The following ANGPT1 variants were observed in gnomAD, a reference collection of about 807,000 sequenced individuals.
ANGPT1 encodes angiopoietin-1.
Under a neutral mutation model 62.2 loss-of-function variants are expected in ANGPT1, and 17 were observed. The observed-to-expected ratio is 0.27, with a 90% CI of 0.19 to 0.41. The LOEUF (loss-of-function observed/expected upper bound fraction) is 0.41, where lower values mean the gene tolerates loss of function less well. Ranked by LOEUF, ANGPT1 falls within the 10% of genes least tolerant of loss-of-function variation. The pLI, the probability that ANGPT1 is intolerant of heterozygous loss-of-function variation, is 1.00. For missense variants in ANGPT1, 478 were observed against 594.9 expected (o/e 0.80, Z 2.04); for synonymous variants, 199 against 198.9 (o/e 1.00, Z 0.00).
chr8:107,371,573 C>CTTT (rs5893851), intron 1 of ANGPT1, among the ~76,000 whole-genome samples: 8 of 102,144 alleles, frequency 7.8e-5, no homozygotes, highest in African/African-American at 1.1e-4. Flanking sequence ...GCTGAGCATT[C>CTTT]TTTTTTTTTT....
At chr8:107,404,825 G>A (rs1817116354) in intron 1 of ANGPT1, among the ~76,000 whole-genome samples, 1 of 152,076 alleles carries the variant, frequency 6.6e-6, no homozygotes, top group South Asian at 2.1e-4. Flanking sequence ...AGTGTTTGAA[G>A]AGGACTGTTC....
intron 1 of ANGPT1, among the ~76,000 whole-genome samples, chr8:107,433,439 T>C (rs1251272695): frequency 6.6e-6 from 1 of 152,206 alleles, no homozygotes; most frequent in Non-Finnish European, 1.5e-5. Flanking sequence ...TGTCCAGACA[T>C]ACTATTCAAT....
At chr8:107,276,170 A>C (rs1813861198) in intron 7 of ANGPT1, among the ~76,000 whole-genome samples, 1 of 152,138 alleles carries the variant, frequency 6.6e-6, no homozygotes, top group Non-Finnish European at 1.5e-5. Flanking sequence ...GATTAAAACA[A>C]CTTCTCTGTT....
At chr8:107,282,877 G>C (rs1814049397) in intron 7 of ANGPT1, among the ~76,000 whole-genome samples, 1 of 151,858 alleles carries the variant, frequency 6.6e-6, no homozygotes, top group Non-Finnish European at 1.5e-5. Flanking sequence ...TCCTCATGCA[G>C]ATGGCAGAAT....
chr8:107,365,134 T>A (rs577039135), intron 1 of ANGPT1, among the ~76,000 whole-genome samples: 58 of 152,336 alleles, frequency 3.8e-4, no homozygotes, highest in Non-Finnish European at 7.2e-4. Context: ...AGGTTTTTAT[T>A]AAAACTTCCT....
At chr8:107,393,881 C>A (rs1320992625) in intron 1 of ANGPT1, among the ~76,000 whole-genome samples, 1 of 152,124 alleles carries the variant, frequency 6.6e-6, no homozygotes, top group Non-Finnish European at 1.5e-5. Flanking sequence ...ATGGAGCAAC[C>A]GTCTTGACTT....
intron 1 of ANGPT1, among the ~76,000 whole-genome samples, chr8:107,437,801 C>A (rs905402753): frequency 6.6e-6 from 1 of 151,564 alleles, no homozygotes; most frequent in Admixed American, 6.6e-5. Context: ...GATATCTTTT[C>A]ATCTTGGACT....
At chr8:107,441,039 C>T (rs1207474260) in intron 1 of ANGPT1, among the ~76,000 whole-genome samples, 3 of 148,880 alleles carry the variant, frequency 2.0e-5, no homozygotes, top group African/African-American at 7.3e-5. Flanking sequence ...TAGAAAATCA[C>T]TCAATCATTA....
At chr8:107,495,978 T>C (rs1026527345) in intron 1 of ANGPT1, among the ~76,000 whole-genome samples, 1 of 152,186 alleles carries the variant, frequency 6.6e-6, no homozygotes, top group African/African-American at 2.4e-5. Context: ...AAAATAACAG[T>C]GATCTTAGTT....
chr8:107,418,823 A>G (rs996023567), intron 1 of ANGPT1, among the ~76,000 whole-genome samples: 4 of 152,172 alleles, frequency 2.6e-5, no homozygotes, highest in African/African-American at 9.7e-5. Context: ...CTCTTCCTTC[A>G]ACTTCCCAGA....
intron 4 of ANGPT1, among the ~76,000 whole-genome samples, chr8:107,311,303 T>C (rs55923261): frequency 0.028 from 4,289 of 152,038 alleles, 214 homozygotes; most frequent in African/African-American, 0.099. Flanking sequence ...TGATGAAAAT[T>C]AATTCATATG....
At chr8:107,401,323 AT>A (rs1256160820) in intron 1 of ANGPT1, among the ~76,000 whole-genome samples, 2 of 151,956 alleles carry the variant, frequency 1.3e-5, no homozygotes, top group Non-Finnish European at 2.9e-5. Context: ...CATTAATTAT[AT>A]TTTTTTAAAG....
chr8:107,392,187 C>A (rs1001424346), intron 1 of ANGPT1, among the ~76,000 whole-genome samples: 1 of 152,086 alleles, frequency 6.6e-6, no homozygotes, highest in Non-Finnish European at 1.5e-5. Flanking sequence ...TGAGGATAAT[C>A]TTGTATATAA....
intron 1 of ANGPT1, among the ~76,000 whole-genome samples, chr8:107,468,978 T>C (rs1812276352): frequency 6.6e-6 from 1 of 152,086 alleles, no homozygotes. Flanking sequence ...CTAGACAAAG[T>C]ACTTATTAGT....
chr8:107,290,871 G>A (rs1458564819), intron 6 of ANGPT1, among the ~76,000 whole-genome samples: 1 of 152,074 alleles, frequency 6.6e-6, no homozygotes, highest in Non-Finnish European at 1.5e-5. Flanking sequence ...GATATATTTG[G>A]TAAATACTTA....
intron 1 of ANGPT1, 55 bp from the exon 2 acceptor site, chr8:107,347,152 G>C: frequency 6.5e-7 from 1 of 1,528,006 alleles, no homozygotes. Flanking sequence ...CTCCCAGTTC[G>C]GGCATGTAAT....
chr8:107,459,908 T>C (rs1812022148), intron 1 of ANGPT1, among the ~76,000 whole-genome samples: 1 of 152,070 alleles, frequency 6.6e-6, no homozygotes, highest in South Asian at 2.1e-4. Flanking sequence ...TAGAAAGAAA[T>C]GAAAAGAGAA....
intron 4 of ANGPT1, among the ~76,000 whole-genome samples, chr8:107,306,260 GT>G (rs1387526170): frequency 1.2e-4 from 19 of 152,156 alleles, no homozygotes; most frequent in African/African-American, 4.1e-4. Context: ...TAGTTGACTA[GT>G]TATATTTAGG....
At chr8:107,478,070 T>C (rs937469242) in intron 1 of ANGPT1, among the ~76,000 whole-genome samples, 1 of 151,680 alleles carries the variant, frequency 6.6e-6, no homozygotes, top group African/African-American at 2.4e-5. Flanking sequence ...CCTGTTTTTT[T>C]TTTTTCTACA....
Sources: allele counts gnomAD v4.1 joint callset (sites outside exome capture counted in the v4.1 genomes callset), GRCh38; gene constraint gnomAD v4.1.1; transcripts MANE v1.5; gene names NCBI Gene and HGNC (gene_info 2026-07-23, HGNC 2026-07-21).